BEND7: variants seen among roughly 807,000 people sequenced by gnomAD.
BEND7 encodes BEN domain-containing protein 7.
Under a neutral mutation model 50.9 loss-of-function variants are expected in BEND7, and 28 were observed. The observed-to-expected ratio is 0.55, with a 90% confidence interval of 0.41 to 0.75. BEND7 has a LOEUF of 0.75. Ranked by LOEUF, BEND7 falls within the 30% of genes least tolerant of loss-of-function variation. The pLI is 0.00. For synonymous variants in BEND7, 170 were observed against 183.9 expected, an observed-to-expected ratio of 0.92 and a Z score of 0.61; for missense variants, 477 against 491.3, an observed-to-expected ratio of 0.97 and a Z score of 0.28.
At chr10:13,447,903 TAGGG>T (rs1836770786) in intron 7 of BEND7, among the ~76,000 whole-genome samples, 8 of 152,302 alleles carry the variant, frequency 5.3e-5, no homozygotes, top group South Asian at 2.1e-4. Context: ...ATTGTTTAAA[TAGGG>T]TCATCGCGGG....
At chr10:13,488,242 A>G (rs1261864440) in intron 5 of BEND7, among the ~76,000 whole-genome samples, 6 of 152,118 alleles carry the variant, frequency 3.9e-5, no homozygotes, top group Admixed American at 6.5e-5. Context: ...AACATTTCCT[A>G]TTATTAAAAA....
intron 5 of BEND7, among the ~76,000 whole-genome samples, chr10:13,481,580 AAGGACACAGAT>A (rs1330521765): frequency 2.0e-5 from 3 of 152,236 alleles, no homozygotes; most frequent in African/African-American, 7.2e-5. Flanking sequence ...TCTTTCCCCT[AAGGACACAGAT>A]ACGGGGCTAA....
intron 7 of BEND7, among the ~76,000 whole-genome samples, chr10:13,451,985 A>G (rs184305186): frequency 3.6e-4 from 55 of 152,136 alleles, no homozygotes; most frequent in African/African-American, 7.2e-4. Flanking sequence ...AACAGTCACA[A>G]TGAAACGGGT....
At chr10:13,445,663 G>A (rs1263489010) in intron 8 of BEND7, 2 of 152,144 alleles carry the variant, frequency 1.3e-5, no homozygotes, top group Non-Finnish European at 2.9e-5. Flanking sequence ...AGTTCCATGA[G>A]GCTCTTCTAG....
intron 6 of BEND7, among the ~76,000 whole-genome samples, chr10:13,456,260 T>C (rs927741415): frequency 2.0e-5 from 3 of 152,074 alleles, no homozygotes; most frequent in African/African-American, 4.8e-5. Context: ...GCTGGAAGAA[T>C]TGTTCTGAGA....
At chr10:13,503,760 G>A (rs1300243279) in intron 2 of BEND7, among the ~76,000 whole-genome samples, 1 of 152,212 alleles carries the variant, frequency 6.6e-6, no homozygotes, top group Non-Finnish European at 1.5e-5. Context: ...ATGGAACACA[G>A]AAAACTGCAG....
chr10:13,476,664 G>A (rs1377474681), intron 6 of BEND7, among the ~76,000 whole-genome samples: 5 of 152,154 alleles, frequency 3.3e-5, no homozygotes, highest in Non-Finnish European at 7.3e-5. Context: ...GGTCTACCGA[G>A]TATATCACAG....
chr10:13,447,200 A>G, intron 8 of BEND7, 66 bp downstream of exon 8: 1 of 1,530,806 alleles, frequency 6.5e-7, no homozygotes. Context: ...AATCGTTTTC[A>G]ATGCAAATAG....
At chr10:13,467,104 C>T (rs1186678948) in intron 6 of BEND7, among the ~76,000 whole-genome samples, 1 of 152,200 alleles carries the variant, frequency 6.6e-6, no homozygotes, top group Non-Finnish European at 1.5e-5. Context: ...GCCCATGCCT[C>T]AGAGGTAGGA....
At position 13,441,560 on chromosome 10, in the gene BEND7, A is replaced by G. The variant is rs80157634; in HGVS notation, c.*183T>C. 2,508 of 1,444,442 alleles carry G rather than the reference A, an allele frequency of 1.7e-3. 53 individuals are homozygous for G. In the South Asian group the frequency reaches 0.027, roughly 16 times the overall value. 89.5% of individuals were successfully genotyped at this position (1,444,442 alleles called of 1,614,324 possible). On this transcript the variant is annotated 3_prime_UTR_variant, in exon 9 of 9. Coordinates refer to ENST00000466271, the MANE Select transcript of BEND7 (RefSeq NM_001369863.1). ...AGGTTCCCAGCAGATCTCTTAACAG[A>G]CCACAGTTGGAAGTTAGCGTTTCTG... is the stretch of plus-strand genomic sequence containing the variant.
chr10:13,506,557 G>C (rs2077908243), intron 2 of BEND7, among the ~76,000 whole-genome samples: 1 of 152,176 alleles, frequency 6.6e-6, no homozygotes, highest in Non-Finnish European at 1.5e-5. Context: ...TGGAGCCAAT[G>C]GGTTATCACT....
intron 5 of BEND7, among the ~76,000 whole-genome samples, chr10:13,489,871 A>C (rs1564348515): frequency 6.6e-6 from 1 of 152,222 alleles, no homozygotes; most frequent in Non-Finnish European, 1.5e-5. Context: ...TATTGTGCTT[A>C]ATGCAAATGC....
rs928095200 is a variant in BEND7, at chr10:13,506,359, C to T, written c.146-6279G>A. 2.0e-5 allele frequency among the ~76,000 whole-genome samples: 3 copies of T among 152,176 alleles called. 1 individual carries two copies. The highest frequency in any genetic ancestry group is 1.3e-4 in the Admixed American group (2 of 15,278). ...GGCTTTCCTCTTGCTCCCCGAAACA[C>T]GGCTCTTTTAACCCCTGGAAGAAGC... On this transcript the variant is annotated intron_variant, in intron 2 of 8. Transcript: ENST00000466271.
rs1166957885 is a variant in BEND7, at chr10:13,491,561, T to C, written c.837+1050A>G. ...TCTTAACAATTGTAGCAAGTGTTTA[T>C]AGATTTCAAAAAAAAAAAAGAACCT... On this transcript the variant is annotated intron_variant, in intron 5 of 8. Transcript: ENST00000466271. Among the ~76,000 whole-genome samples, 9 of 151,136 alleles carry C rather than the reference T, an allele frequency of 6.0e-5. No homozygotes were observed. The East Asian group carries it at 9.8e-4, about 16-fold the overall frequency.
At chr10:13,494,045 G>A (rs1588937021) in intron 4 of BEND7, among the ~76,000 whole-genome samples, 1 of 152,298 alleles carries the variant, frequency 6.6e-6, no homozygotes, top group East Asian at 1.9e-4. Context: ...TAAGAGCACA[G>A]AAGTTTTTAA....
intron 6 of BEND7, among the ~76,000 whole-genome samples, chr10:13,458,335 G>A (rs965270660): frequency 3.3e-5 from 5 of 152,210 alleles, no homozygotes; most frequent in Non-Finnish European, 7.3e-5. Flanking sequence ...CAAACAAGGC[G>A]GACTGGCCAT....
chr10:13,486,991 C>G (rs1234976411), intron 5 of BEND7, among the ~76,000 whole-genome samples: 1 of 152,188 alleles, frequency 6.6e-6, no homozygotes, highest in Non-Finnish European at 1.5e-5. Flanking sequence ...CCCAGGTGAC[C>G]TGACTGCCTG....
intron 6 of BEND7, among the ~76,000 whole-genome samples, chr10:13,477,319 A>G (rs1472112000): frequency 6.6e-6 from 1 of 152,246 alleles, no homozygotes; most frequent in African/African-American, 2.4e-5. Flanking sequence ...CAAGAGATCA[A>G]GTAAGAAAGA....
intron 7 of BEND7, among the ~76,000 whole-genome samples, chr10:13,447,795 T>C (rs1356634548): frequency 1.3e-5 from 2 of 152,158 alleles, no homozygotes; most frequent in Non-Finnish European, 2.9e-5. Flanking sequence ...TTAAAACTTT[T>C]TAAAATCTTA....
Sources: allele counts gnomAD v4.1 joint callset (sites outside exome capture counted in the v4.1 genomes callset), GRCh38; gene constraint gnomAD v4.1.1; transcripts MANE v1.5; gene names NCBI Gene and HGNC (gene_info 2026-07-23, HGNC 2026-07-21).